RFX2: variants seen among roughly 807,000 people sequenced by gnomAD.
The protein encoded by RFX2 is regulatory factor X2, also known as DNA-binding protein RFX2.
RFX2 carries 20 observed loss-of-function variants against 87.8 expected under a neutral mutation model. The observed-to-expected ratio is 0.23, with a 90% CI of 0.16 to 0.33. RFX2 has a LOEUF of 0.33. Among genes scored for constraint, RFX2 ranks in the 10% least tolerant of loss-of-function variants. The probability of loss-of-function intolerance (pLI) is 1.00; values close to 1 mark genes in which losing one functional copy is unlikely to be tolerated. For missense variants in RFX2, 767 were observed against 1,012.3 expected (o/e 0.76, Z 3.29); for synonymous variants, 397 against 431.3 (o/e 0.92, Z 0.98).
At chr19:6,100,528 A>G (rs1309883764) in intron 1 of RFX2, among the ~76,000 whole-genome samples, 1 of 152,184 alleles carries the variant, frequency 6.6e-6, no homozygotes, top group East Asian at 1.9e-4. Context: ...CCTCTGTAAC[A>G]GGAGAGGAGG....
At chr19:6,092,624 T>G (rs2087954151) in intron 1 of RFX2, among the ~76,000 whole-genome samples, 1 of 148,396 alleles carries the variant, frequency 6.7e-6, no homozygotes, top group African/African-American at 2.5e-5. Flanking sequence ...CACGCGAGCA[T>G]GGGCGCAGCT....
chr19:5,997,249 G>A lies in RFX2; in HGVS notation c.1860-36C>T, dbSNP rs1328044357. The A allele has an allele frequency of 1.9e-6, 3 of 1,587,336 alleles. No individual in the cohort carries two copies. Among genetic ancestry groups the A allele is most frequent in the Non-Finnish European group, 2.6e-6 (3 of 1,170,376 alleles). ...GCGGACAGAGGCTGGGGACCCTCAG[G>A]GGAGCATGGAACCCGGGCCCCAGGC... On this transcript the variant is annotated intron_variant, in intron 15 of 17. Transcript: ENST00000303657. The surrounding 1 kb of genome is among the most constrained non-coding windows in gnomAD (Gnocchi z 4.2).
chr19:6,075,683 G>A (rs766827516), intron 1 of RFX2, among the ~76,000 whole-genome samples: 9 of 152,172 alleles, frequency 5.9e-5, no homozygotes, highest in Non-Finnish European at 7.4e-5. Flanking sequence ...GTGTGAGGTC[G>A]AATCAGGCAC....
rs760743449 is a variant in RFX2 at position 6,026,399 on chromosome 19, G to A, written c.523-162C>T. ...GGCTCCACGCAGGCAGGGCGGGGGTGAGTTAAATTGTGCATGAAAGCTGCG... is the reference window on the plus strand; with the variant it reads ...GGCTCCACGCAGGCAGGGCGGGGGTAAGTTAAATTGTGCATGAAAGCTGCG... On this transcript the variant is annotated intron_variant, in intron 5 of 17. Coordinates refer to ENST00000303657, the MANE Select transcript of RFX2 (RefSeq NM_000635.4). This position sits in a 1 kb window ranked among gnomAD's most constrained non-coding sequence, Gnocchi z 4.5. 1 of 643,076 alleles carries A rather than the reference G, an allele frequency of 1.6e-6. No homozygotes were observed. The highest frequency in any genetic ancestry group is 2.7e-6 in the Non-Finnish European group (1 of 372,282). 39.8% of individuals were successfully genotyped at this position (643,076 alleles called of 1,614,324 possible). A position where few individuals can be genotyped will look rare whatever the true frequency, so the allele number is the denominator to read the frequency against.
intron 6 of RFX2, among the ~76,000 whole-genome samples, chr19:6,019,331 C>T (rs539679440): frequency 2.0e-5 from 3 of 152,206 alleles, no homozygotes; most frequent in South Asian, 2.1e-4. Context: ...CTTCATCTTC[C>T]GACTTTCTGG....
chr19:6,040,143 G>T lies in RFX2; in HGVS notation c.359C>A (p.Ala120Glu). ...GGGGACCGCTGGCGGGGACGAGGCT[G>T]CCACGGTCACCTGGGCACCGCCTGG... is the stretch of plus-strand genomic sequence containing the variant. ...EAPGGAQVTV[A>E]ASSPPAVPSH... Residue 120 changes from alanine (A) to glutamate (E), a missense_variant, in exon 5 of 18, where the codon GCA (alanine) becomes GAA (glutamate). This residue lies in a region of RFX2 where 621 missense variants were observed against 873.0 expected (regional missense o/e 0.71). Transcript: ENST00000303657. This position sits in a 1 kb window ranked among gnomAD's most constrained non-coding sequence, Gnocchi z 6.1. The T allele has an allele frequency of 6.2e-7, 1 of 1,608,484 alleles. No individual in the cohort carries two copies. The highest frequency in any genetic ancestry group is 8.5e-7 in the Non-Finnish European group (1 of 1,176,686).
chr19:6,057,827 C>T (rs1037814904), intron 1 of RFX2, among the ~76,000 whole-genome samples: 2 of 152,198 alleles, frequency 1.3e-5, no homozygotes, highest in Non-Finnish European at 2.9e-5. Context: ...CTCCCAGTGT[C>T]ATTAGGCTGC....
intron 6 of RFX2, among the ~76,000 whole-genome samples, chr19:6,018,218 C>T (rs913663000): frequency 6.6e-6 from 1 of 152,228 alleles, no homozygotes; most frequent in African/African-American, 2.4e-5. Flanking sequence ...GATCCACCCG[C>T]CTTGGCCTCC....
rs572751494 is a variant in RFX2 at position 5,998,411 on chromosome 19, G to A, written c.1860-1198C>T. Among the ~76,000 whole-genome samples the A allele has an allele frequency of 1.1e-3, 169 of 152,300 alleles. No individual in the cohort carries two copies. The Middle Eastern group carries it at 0.014, about 12-fold the overall frequency. ...AAAAACTTTGGCCTACAAGCCAGGC[G>A]GCCCCCAATGCCCAACTGCCCCGGC... On this transcript the variant is annotated intron_variant, in intron 15 of 17. Coordinates refer to ENST00000303657, the MANE Select transcript of RFX2 (RefSeq NM_000635.4). This position sits in a 1 kb window ranked among gnomAD's most constrained non-coding sequence, Gnocchi z 4.2.
In RFX2 at chr19:6,045,533, A is replaced by T. The variant is rs887099539; in HGVS notation, c.91-1251T>A. ...CGACGGCGTCTGATCCTCACCTCAG[A>T]TGGGCTTCCAAGACGCCCTCCCCAC... On this transcript the variant is annotated intron_variant, in intron 2 of 17. Coordinates refer to ENST00000303657, the MANE Select transcript of RFX2 (RefSeq NM_000635.4). This position sits in a 1 kb window ranked among gnomAD's most constrained non-coding sequence, Gnocchi z 5.2. 6.6e-6 allele frequency among the ~76,000 whole-genome samples: 1 copy of T among 152,210 alleles called. No individual in the cohort carries two copies. The highest frequency in any genetic ancestry group is 2.4e-5 in the African/African-American group (1 of 41,452).
chr19:6,093,059 A>C (rs1339615646), intron 1 of RFX2, among the ~76,000 whole-genome samples: 3 of 152,120 alleles, frequency 2.0e-5, no homozygotes, highest in Admixed American at 1.3e-4. Flanking sequence ...CCTTTATAGT[A>C]GGAATGGAGC....
Position 6,007,629 on chromosome 19 carries a change from G to T in RFX2, c.1247+61C>A. 1 of 966,782 alleles carries T rather than the reference G, an allele frequency of 1.0e-6. No homozygotes were observed. Among genetic ancestry groups the T allele is most frequent in the Non-Finnish European group, 1.6e-6 (1 of 616,268 alleles). The allele number at this position is 966,782 out of a possible 1,614,324, so 59.9% of individuals were successfully genotyped here. A position where few individuals can be genotyped will look rare whatever the true frequency, so the allele number is the denominator to read the frequency against. ...AGGCTTTCGTTTGTGGGTTACCTGT[G>T]GACGTCAGCAGGGGGTTAAGTCTGG... On this transcript the variant is annotated intron_variant, in intron 11 of 17. Coordinates refer to ENST00000303657, the MANE Select transcript of RFX2 (RefSeq NM_000635.4). The surrounding 1 kb of genome is among the most constrained non-coding windows in gnomAD (Gnocchi z 8.2).
At position 6,003,778 on chromosome 19, in the gene RFX2, CAAAAAAAAAAAAAAAAAA is replaced by C. The variant is rs57470328; in HGVS notation, c.1500+405_1500+422del. On this transcript the variant is annotated intron_variant, in intron 13 of 17. Transcript: ENST00000303657. ...TGGGCGACAGAGTGAGACTCTGTCTCAAAAAAAAAAAAAAAAAAAAAAAAAAAAAAGAAATGCTTGTGA... is the reference window on the plus strand; with the variant it reads ...TGGGCGACAGAGTGAGACTCTGTCTCAAAAAAAAAAAAGAAATGCTTGTGA... Among the ~76,000 whole-genome samples the C allele has an allele frequency of 2.1e-3, 89 of 42,008 alleles. 4 individuals are homozygous for C. The South Asian group carries it at 0.075, about 35-fold the overall frequency. The allele number at this position is 42,008 out of a possible 152,430, so 27.6% of individuals were successfully genotyped here.
rs1022040423 is a variant in RFX2, at chr19:6,050,844, C to T, written c.-8-3340G>A. ...ATCTCAACAAACCCTAAAAAGAATACAAAGAAAGCCAAGATAGGTATGTCA... is the reference window on the plus strand; with the variant it reads ...ATCTCAACAAACCCTAAAAAGAATATAAAGAAAGCCAAGATAGGTATGTCA... On this transcript the variant is annotated intron_variant, in intron 1 of 17. Coordinates refer to ENST00000303657, the MANE Select transcript of RFX2 (RefSeq NM_000635.4). This position sits in a 1 kb window ranked among gnomAD's most constrained non-coding sequence, Gnocchi z 4.6. 1.2e-4 allele frequency among the ~76,000 whole-genome samples: 19 copies of T among 152,102 alleles called. No individual in the cohort carries two copies. The Middle Eastern group carries it at 0.01, about 82-fold the overall frequency.
chr19:6,102,812 C>T (rs1031242702), intron 1 of RFX2, among the ~76,000 whole-genome samples: 6 of 152,216 alleles, frequency 3.9e-5, no homozygotes, highest in African/African-American at 7.2e-5. Flanking sequence ...TTCAATTTTT[C>T]AGCCAAGTTC....
At chr19:6,090,782 A>G (rs189704300) in intron 1 of RFX2, among the ~76,000 whole-genome samples, 22 of 152,380 alleles carry the variant, frequency 1.4e-4, no homozygotes, top group Admixed American at 3.9e-4. Context: ...CAAGGGATGA[A>G]TGCATAAACA....
intron 1 of RFX2, among the ~76,000 whole-genome samples, chr19:6,092,992 G>A (rs577037076): frequency 2.0e-4 from 30 of 152,262 alleles, no homozygotes; most frequent in Admixed American, 1.8e-3. Context: ...GCGAGGAGGT[G>A]GCCCCGGTCC....
Position 5,994,819 on chromosome 19 carries a change from G to C in RFX2, c.*16C>G, listed in dbSNP as rs2086381526. 4 of 1,542,258 alleles carry C rather than the reference G, an allele frequency of 2.6e-6. No homozygotes were observed. The highest frequency in any genetic ancestry group is 3.6e-6 in the Non-Finnish European group (4 of 1,122,822). ...CGGCATCTTTTGGAACCTCGAGGAG[G>C]CGCCGGCCGGGGCTGCTAGATGCCC... On this transcript the variant is annotated 3_prime_UTR_variant, in exon 18 of 18. Coordinates refer to ENST00000303657, the MANE Select transcript of RFX2 (RefSeq NM_000635.4).
intron 13 of RFX2, among the ~76,000 whole-genome samples, chr19:6,003,982 C>T (rs1167686493): frequency 6.6e-6 from 1 of 152,056 alleles, no homozygotes; most frequent in Non-Finnish European, 1.5e-5. Flanking sequence ...TCTGAATTGA[C>T]CCAAAGATGT....
Sources: gnomAD v4.1 joint callset for allele counts (sites outside exome capture counted in the v4.1 genomes callset) on GRCh38, gnomAD v4.1.1 for gene constraint, gnomAD v4.1.1 regional missense constraint, Gnocchi (gnomAD v3.1) non-coding constraint, MANE v1.5 for transcripts, NCBI Gene and HGNC (gene_info 2026-07-23, HGNC 2026-07-21) for gene names.